Variants in ENTPD5 observed in about 807,000 individuals in gnomAD.
The protein encoded by ENTPD5 is nucleoside diphosphate phosphatase ENTPD5.
In ENTPD5, 49 loss-of-function variants were observed where a neutral mutation model predicts 60.2. The ratio of observed to expected loss-of-function variants is 0.81; its 90% CI spans 0.65 to 1.03. The LOEUF is 1.03. Ranked by LOEUF, ENTPD5 falls within the 50% of genes least tolerant of loss-of-function variation. The pLI is 0.00. For synonymous variants in ENTPD5, 187 were observed against 185.4 expected, an observed-to-expected ratio of 1.01 and a Z score of -0.07; for missense variants, 480 against 507.6, an observed-to-expected ratio of 0.95 and a Z score of 0.52.
chr14:73,959,513 C>G, downstream of ENTPD5: 1 of 1,614,064 alleles, frequency 6.2e-7, no homozygotes, highest in Non-Finnish European at 8.5e-7. Flanking sequence ...ATGCCGTTAA[C>G]TCTGCCTTTG....
chr14:73,957,705 C>T (rs879267841), downstream of ENTPD5, among the ~76,000 whole-genome samples: 8 of 152,146 alleles, frequency 5.3e-5, no homozygotes, highest in African/African-American at 7.2e-5. Context: ...TCTAGGATTA[C>T]GAGCATGAGC....
intron 5 of ENTPD5, among the ~76,000 whole-genome samples, chr14:73,984,798 GGTTT>G (rs1287302014): frequency 9.9e-5 from 15 of 151,566 alleles, no homozygotes; most frequent in Admixed American, 7.2e-4. Context: ...ACAATGTGCA[GGTTT>G]GTTTGTTACA....
chr14:73,987,044 A>G, intron 4 of ENTPD5, 151 bp from the exon 5 acceptor site: 1 of 728,238 alleles, frequency 1.4e-6, no homozygotes, highest in East Asian at 2.7e-5. Context: ...TTGCAGGAGT[A>G]CTGGAAAGAA....
chr14:73,970,052 C>T lies in ENTPD5; in HGVS notation c.1158G>A (p.Leu386=), dbSNP rs779972700. The change falls in exon 15 of 16, where the codon CTG becomes CTA. Residue 386 remains leucine (L), a synonymous_variant. Coordinates refer to ENST00000334696, the MANE Select transcript of ENTPD5 (RefSeq NM_001249.5). ...CTGCAAAGCCAAAGCCATCCTTTAACAGGGCTGTGATGTAGCTGAGATCCA... is the reference window on the plus strand; with the variant it reads ...CTGCAAAGCCAAAGCCATCCTTTAATAGGGCTGTGATGTAGCTGAGATCCA... ...LCMDLSYITA[L]LKDGFGFADS... 8.1e-6 allele frequency: 13 copies of T among 1,613,874 alleles called. No individual in the cohort carries two copies. The highest frequency in any genetic ancestry group is 1.7e-5 in the Admixed American group (1 of 59,996).
Position 73,964,611 on chromosome 14 carries a change from G to C in ENTPD5, c.*2317C>G, listed in dbSNP as rs1221567723. The C allele has an allele frequency of 3.9e-5, 6 of 152,222 alleles. No individual in the cohort carries two copies. The highest frequency in any genetic ancestry group is 8.8e-5 in the Non-Finnish European group (6 of 68,044). The allele number at this position is 152,222 out of a possible 1,614,324, so 9.4% of individuals were successfully genotyped here. ...ATTTGTCAAGCTGGAACAGTCTTTA[G>C]TGAACACAGCTTACCTCTTTTAAAA... On this transcript the variant is annotated 3_prime_UTR_variant, in exon 16 of 16. Coordinates refer to ENST00000334696, the MANE Select transcript of ENTPD5 (RefSeq NM_001249.5).
At position 73,975,060 on chromosome 14, in the gene ENTPD5, AAC is replaced by A; in HGVS notation, c.723-77_723-76del. ...GCCTAAAGCTACCTCTTTCAAAAGT[AAC>A]ATTGTTCCTGTGTCCCTCTGGAAAG... is the stretch of plus-strand genomic sequence containing the variant. On this transcript the variant is annotated intron_variant, in intron 10 of 15. Coordinates refer to ENST00000334696, the MANE Select transcript of ENTPD5 (RefSeq NM_001249.5). The A allele has an allele frequency of 3.5e-6, 4 of 1,129,726 alleles. 1 individual carries two copies. The South Asian group carries it at 5.2e-5, about 15-fold the overall frequency. The allele number at this position is 1,129,726 out of a possible 1,614,324, so 70.0% of individuals were successfully genotyped here. A position where few individuals can be genotyped will look rare whatever the true frequency, so the allele number is the denominator to read the frequency against.
chr14:73,956,071 T>C (rs867275333), downstream of ENTPD5: 22 of 1,211,254 alleles, frequency 1.8e-5, no homozygotes, highest in African/African-American at 2.4e-4. Context: ...ACGCCTGTAA[T>C]CCCAGCACTT....
rs1158080625 is a variant in ENTPD5 at position 73,964,527 on chromosome 14, A to T, written c.*2401T>A. 6.6e-6 allele frequency: 1 copy of T among 152,198 alleles called. No homozygotes were observed. Among genetic ancestry groups the T allele is most frequent in the Non-Finnish European group, 1.5e-5 (1 of 68,038 alleles). 9.4% of individuals were successfully genotyped at this position (152,198 alleles called of 1,614,324 possible). A position where few individuals can be genotyped will look rare whatever the true frequency, so the allele number is the denominator to read the frequency against. ...TGACCAAAGGAGTCTGCTGGACAGT[A>T]TGTGTGTTTTACAAAATGGCCCCCA... is the stretch of plus-strand genomic sequence containing the variant. On this transcript the variant is annotated 3_prime_UTR_variant, in exon 16 of 16. Coordinates refer to ENST00000334696, the MANE Select transcript of ENTPD5 (RefSeq NM_001249.5).
chr14:73,963,240 A>G lies in ENTPD5; in HGVS notation c.*3688T>C. On this transcript the variant is annotated 3_prime_UTR_variant, in exon 16 of 16. Transcript: ENST00000334696. The stretch of plus-strand genomic sequence containing the variant: ...AAGGAAGACTTACAATTTGGTTGAA[A>G]AGAGCTTTTTATTACTAAAAAACCC... 1.7e-6 allele frequency: 1 copy of G among 574,816 alleles called. No individual in the cohort carries two copies. Among genetic ancestry groups the G allele is most frequent in the Admixed American group, 3.4e-5 (1 of 29,718 alleles). The allele number at this position is 574,816 out of a possible 1,614,324, so 35.6% of individuals were successfully genotyped here.
downstream of ENTPD5, chr14:73,961,991 AG>A (rs2056759912): frequency 2.0e-6 from 3 of 1,483,672 alleles, no homozygotes. Flanking sequence ...CTTATCGCCC[AG>A]GATGGAGTGC....
chr14:73,992,346 T>A (rs1355756521), intron 3 of ENTPD5, among the ~76,000 whole-genome samples: 1 of 152,010 alleles, frequency 6.6e-6, no homozygotes, highest in Non-Finnish European at 1.5e-5. Context: ...GTATCTAGGG[T>A]TTATCAAAAT....
At chr14:74,003,494 TGGAGGCCACACA>T in intron 3 of ENTPD5, 1 of 1,401,688 alleles carries the variant, frequency 7.1e-7, no homozygotes. Context: ...TGTTGCACCG[TGGAGGCCACACA>T]GGAGCAGAAA....
chr14:74,002,174 T>C (rs2058532408), intron 3 of ENTPD5, among the ~76,000 whole-genome samples: 2 of 152,094 alleles, frequency 1.3e-5, no homozygotes, highest in South Asian at 2.1e-4. Context: ...TTAGAGAAAC[T>C]AAGTATCTTA....
chr14:73,958,652 A>G (rs2056559262), downstream of ENTPD5: 1 of 1,304,084 alleles, frequency 7.7e-7, no homozygotes, highest in African/African-American at 1.5e-5. Context: ...CTAACCCTAC[A>G]TCAGAACTAT....
chr14:74,019,216 G>A (rs965145727), intron 1 of ENTPD5, 34 bp downstream of exon 1: 1 of 165,012 alleles, frequency 6.1e-6, no homozygotes, highest in Non-Finnish European at 1.3e-5. Context: ...GCCCCACGTA[G>A]AGGATCCGGC....
intron 3 of ENTPD5, among the ~76,000 whole-genome samples, chr14:74,000,746 C>A (rs58639209): frequency 0.079 from 11,962 of 152,012 alleles, 626 homozygotes; most frequent in South Asian, 0.26. Flanking sequence ...CCACTGCACT[C>A]CAGCCTGGGC....
chr14:73,986,732 T>A (rs763804474), intron 5 of ENTPD5, 82 bp downstream of exon 5: 41 of 933,084 alleles, frequency 4.4e-5, no homozygotes, highest in Non-Finnish European at 6.5e-5. Flanking sequence ...CATTAGTGAA[T>A]AGCATGAAAT....
At chr14:73,958,066 C>A, downstream of ENTPD5, 2 of 1,141,086 alleles carry the variant, frequency 1.8e-6, no homozygotes, top group Non-Finnish European at 2.7e-6. Flanking sequence ...TGGGACCTTG[C>A]TTTAGGTTTA....
chr14:73,956,934 T>C (rs1010604830), downstream of ENTPD5: 9 of 152,128 alleles, frequency 5.9e-5, no homozygotes, highest in African/African-American at 1.7e-4. Flanking sequence ...TATTGGGTCA[T>C]ATGATCACAC....
Sources: gnomAD v4.1 joint callset for allele counts (sites outside exome capture counted in the v4.1 genomes callset) on GRCh38, gnomAD v4.1.1 for gene constraint, MANE v1.5 for transcripts, NCBI Gene and HGNC (gene_info 2026-07-23, HGNC 2026-07-21) for gene names.